PTPRN2: variants seen among roughly 807,000 people sequenced by gnomAD.
PTPRN2 encodes the protein receptor-type tyrosine-protein phosphatase N2.
A neutral mutation model predicts 118.8 loss-of-function variants in PTPRN2; 74 were observed. That is an observed-to-expected ratio of 0.62 (90% confidence interval 0.52 to 0.76). The LOEUF is 0.76. PTPRN2 is among the 30% of genes least tolerant of loss of function. The pLI is 0.00. For missense variants in PTPRN2, 1,481 were observed against 1,394.4 expected, an observed-to-expected ratio of 1.06 and a Z score of -0.99; for synonymous variants, 641 against 608.0, an observed-to-expected ratio of 1.05 and a Z score of -0.80.
intron 3 of PTPRN2, among the ~76,000 whole-genome samples, chr7:158,244,150 C>T (rs1223036320): frequency 2.6e-5 from 4 of 152,210 alleles, no homozygotes; most frequent in African/African-American, 9.7e-5. Flanking sequence ...CTGCCTCCTT[C>T]CCCCAGGACT....
chr7:158,160,418 C>T (rs910408397), intron 6 of PTPRN2, among the ~76,000 whole-genome samples: 5 of 152,128 alleles, frequency 3.3e-5, no homozygotes, highest in Non-Finnish European at 1.5e-5. Flanking sequence ...CCAGGTTTGG[C>T]GGCCTTTGGA....
At chr7:157,775,206 C>T (rs539837440) in intron 12 of PTPRN2, among the ~76,000 whole-genome samples, 5 of 152,318 alleles carry the variant, frequency 3.3e-5, no homozygotes, top group South Asian at 2.1e-4. Flanking sequence ...TGCAGGACGC[C>T]GTGTGTGGCA....
chr7:157,782,352 T>C (rs949672783), intron 12 of PTPRN2, among the ~76,000 whole-genome samples: 3 of 152,234 alleles, frequency 2.0e-5, no homozygotes, highest in Non-Finnish European at 4.4e-5. Context: ...ATGCATGCAG[T>C]GCCAGGCGGA....
intron 2 of PTPRN2, among the ~76,000 whole-genome samples, chr7:158,395,312 TGAGGGGC>T (rs1171399088): frequency 0.048 from 1,751 of 36,608 alleles, 12 homozygotes; most frequent in Middle Eastern, 0.14. Context: ...GGGCGAGGGG[TGAGGGGC>T]GAGGGGCGAG....
rs137961161 is a variant in PTPRN2, at chr7:158,260,905, C to T, written c.278-55632G>A. Among the ~76,000 whole-genome samples the T allele has an allele frequency of 1.3e-3, 195 of 152,270 alleles. 1 individual carries two copies. The highest frequency in any genetic ancestry group is 4.4e-3 in the African/African-American group (184 of 41,554). On this transcript the variant is annotated intron_variant, in intron 3 of 22. Transcript: ENST00000389418. ...GGTCCTCAGGCAGGAGTGTGAGCTC[C>T]TAATGTCTCAGGAGAGACAGGGGAG... is the stretch of plus-strand genomic sequence containing the variant.
intron 12 of PTPRN2, among the ~76,000 whole-genome samples, chr7:157,842,561 G>T (rs908471033): frequency 5.3e-5 from 8 of 151,848 alleles, no homozygotes; most frequent in East Asian, 1.9e-4. Flanking sequence ...ATTACAGGCA[G>T]GCACCACCAT....
chr7:157,898,505 C>T (rs1797259179), intron 12 of PTPRN2, among the ~76,000 whole-genome samples, 168 bp downstream of exon 12: 2 of 152,182 alleles, frequency 1.3e-5, no homozygotes, highest in African/African-American at 2.4e-5. Flanking sequence ...GTTTCGCCAC[C>T]GTTTCCCACC....
At chr7:158,061,585 C>T (rs1011857368) in intron 11 of PTPRN2, among the ~76,000 whole-genome samples, 1 of 152,184 alleles carries the variant, frequency 6.6e-6, no homozygotes, top group Non-Finnish European at 1.5e-5. Flanking sequence ...TCCACAATTA[C>T]TTGTGTCGTC....
intron 10 of PTPRN2, among the ~76,000 whole-genome samples, chr7:158,098,991 C>T (rs911674511): frequency 3.2e-5 from 1 of 31,610 alleles, no homozygotes; most frequent in African/African-American, 9.0e-5. Flanking sequence ...ATCCCGGCTG[C>T]CTCCCCTTCC....
chr7:158,238,093 C>T (rs117075819), intron 3 of PTPRN2, among the ~76,000 whole-genome samples: 1,778 of 152,228 alleles, frequency 0.012, 13 homozygotes, highest in Non-Finnish European at 0.021. Flanking sequence ...CTGCTGGGAA[C>T]GTCCGCCCCG....
At chr7:157,972,569 G>A (rs111462470) in intron 11 of PTPRN2, among the ~76,000 whole-genome samples, 3 of 37,362 alleles carry the variant, frequency 8.0e-5, no homozygotes, top group African/African-American at 2.4e-4. Flanking sequence ...ACGAGAGCAG[G>A]GCTTCAGAGA....
chr7:158,387,530 T>G (rs1811537953), intron 2 of PTPRN2, among the ~76,000 whole-genome samples: 3 of 152,416 alleles, frequency 2.0e-5, no homozygotes, highest in East Asian at 1.9e-4. Context: ...ACTCTCTGGG[T>G]CCTGGGGGGA....
chr7:158,205,470 A>T (rs1827057051), intron 3 of PTPRN2, among the ~76,000 whole-genome samples, 197 bp from the exon 4 acceptor site: 1 of 152,166 alleles, frequency 6.6e-6, no homozygotes, highest in Admixed American at 6.5e-5. Context: ...CAAAAAGAAA[A>T]CTGATGCTCT....
At position 158,467,066 on chromosome 7, in the gene PTPRN2, C is replaced by T. The variant is rs115347220; in HGVS notation, c.163+22669G>A. Among the ~76,000 whole-genome samples the T allele has an allele frequency of 2.8e-3, 420 of 152,242 alleles. 2 individuals carry two copies. The highest frequency in any genetic ancestry group is 9.7e-3 in the African/African-American group (404 of 41,536). On this transcript the variant is annotated intron_variant, in intron 2 of 22. Transcript: ENST00000389418. The stretch of plus-strand genomic sequence containing the variant: ...AGTGTCCCTTTTCTCTACACACTTG[C>T]CAACACTTGTTATCTTCTGTCTTTT...
chr7:158,365,343 C>A (rs2151301841), intron 2 of PTPRN2, among the ~76,000 whole-genome samples: 1 of 152,306 alleles, frequency 6.6e-6, no homozygotes, highest in East Asian at 1.9e-4. Flanking sequence ...GTGCTCCTCA[C>A]AACCAACGAG....
rs200168558 is a variant in PTPRN2 at position 157,993,845 on chromosome 7, G to A, written c.1723+87453C>T. 2.5e-3 allele frequency among the ~76,000 whole-genome samples: 376 copies of A among 152,182 alleles called. 2 individuals are homozygous for A. Among genetic ancestry groups the A allele is most frequent in the Non-Finnish European group, 4.8e-3 (325 of 67,990 alleles). On this transcript the variant is annotated intron_variant, in intron 11 of 22. Coordinates refer to ENST00000389418, the MANE Select transcript of PTPRN2 (RefSeq NM_002847.5). ...TGAGCAGACAGGCCCAGAGCTGGAC[G>A]ATCTCTCCCTAAAATGCCAATGGCC...
At chr7:158,263,072 C>T (rs1189412752) in intron 3 of PTPRN2, among the ~76,000 whole-genome samples, 1 of 147,540 alleles carries the variant, frequency 6.8e-6, no homozygotes, top group African/African-American at 2.6e-5. Flanking sequence ...TGCACACACA[C>T]ATCACACACA....
rs73173630 is a variant in PTPRN2, at chr7:158,152,287, G to A, written c.911-13772C>T. On this transcript the variant is annotated intron_variant, in intron 6 of 22. Coordinates refer to ENST00000389418, the MANE Select transcript of PTPRN2 (RefSeq NM_002847.5). ...GGCTGGAGCACTGCTCTTTCATACC[G>A]CACTGCCAGAGAAAGCCTCATTGAG... is the stretch of plus-strand genomic sequence containing the variant. Among the ~76,000 whole-genome samples the A allele has an allele frequency of 2.9e-3, 440 of 151,798 alleles. 1 individual carries two copies. The highest frequency in any genetic ancestry group is 5.0e-3 in the Non-Finnish European group (338 of 67,964).
intron 11 of PTPRN2, among the ~76,000 whole-genome samples, chr7:158,067,749 C>T (rs1190226553): frequency 1.3e-5 from 2 of 152,092 alleles, no homozygotes; most frequent in Non-Finnish European, 2.9e-5. Flanking sequence ...CACCAGGCTT[C>T]CTTCCCAGAG....
Sources: allele counts gnomAD v4.1 joint callset (sites outside exome capture counted in the v4.1 genomes callset), GRCh38; gene constraint gnomAD v4.1.1; transcripts MANE v1.5; gene names NCBI Gene and HGNC (gene_info 2026-07-23, HGNC 2026-07-21).